Variants in NSL1 observed in about 807,000 individuals in gnomAD.
NSL1 encodes NSL1 component of MIS12 kinetochore complex.
A neutral mutation model predicts 25.4 loss-of-function variants in NSL1; 11 were observed. The ratio of observed to expected loss-of-function variants is 0.43; its 90% CI spans 0.27 to 0.72. The LOEUF is 0.72. NSL1 is among the 30% of genes least tolerant of loss of function. The pLI is 0.19. For missense variants in NSL1, 330 were observed against 342.7 expected, an observed-to-expected ratio of 0.96 and a Z score of 0.29; for synonymous variants, 118 against 120.6, an observed-to-expected ratio of 0.98 and a Z score of 0.14.
rs571375045 is a variant in NSL1, at chr1:212,764,068, C to T, written c.499+18304G>A. The stretch of plus-strand genomic sequence containing the variant: ...CAATAAATTTAAGAAAATCAAAATC[C>T]TATCAAGTATCTTCTCAGACCACAG... On this transcript the variant is annotated intron_variant, in intron 4 of 5. Transcript: ENST00000366977. 4 of 425,306 alleles carry T rather than the reference C, an allele frequency of 9.4e-6. No individual in the cohort carries two copies. The East Asian group carries it at 2.4e-4, about 26-fold the overall frequency. The allele number at this position is 425,306 out of a possible 1,614,324, so 26.3% of individuals were successfully genotyped here. A position where few individuals can be genotyped will look rare whatever the true frequency, so the allele number is the denominator to read the frequency against.
chr1:212,784,507 A>G lies in NSL1; in HGVS notation c.314-14T>C. On this transcript the variant is annotated splice_polypyrimidine_tract_variant and intron_variant, in intron 2 of 5. Transcript: ENST00000366977. ...TGATGTCAGAATCTATTTGAGAAAA[A>G]AAAATGTATATATAAAAAGTTCCCT... 6.8e-7 allele frequency: 1 copy of G among 1,474,482 alleles called. No homozygotes were observed. Among genetic ancestry groups the G allele is most frequent in the East Asian group, 2.3e-5 (1 of 43,412 alleles). 91.3% of individuals were successfully genotyped at this position (1,474,482 alleles called of 1,614,324 possible).
intron 5 of NSL1, 126 bp from the exon 6 acceptor site, chr1:212,738,812 G>A (rs555033592): frequency 1.4e-6 from 1 of 727,228 alleles, no homozygotes; most frequent in African/African-American, 1.8e-5. Context: ...GCCCAGGCTG[G>A]AGGGCAGTGG....
rs1454846507 is a variant in NSL1, at chr1:212,760,508, C to A, written c.500-20907G>T. On this transcript the variant is annotated intron_variant, in intron 4 of 5. Transcript: ENST00000366977. The surrounding 1 kb of genome is among the most constrained non-coding windows in gnomAD (Gnocchi z 4.3). The stretch of plus-strand genomic sequence containing the variant: ...CCACTACTGCCGGCATCCACACACT[C>A]CTCCCCAGGGCTTGAGGACGGGCCT... Among the ~76,000 whole-genome samples, 2 of 152,086 alleles carry A rather than the reference C, an allele frequency of 1.3e-5. No homozygotes were observed. The highest frequency in any genetic ancestry group is 1.3e-4 in the Admixed American group (2 of 15,270).
intron 1 of NSL1, among the ~76,000 whole-genome samples, chr1:212,789,503 C>T (rs769606100): frequency 1.3e-5 from 2 of 152,218 alleles, no homozygotes; most frequent in Non-Finnish European, 2.9e-5. Context: ...TAAGCCATCG[C>T]GCCCGGCCTA....
At chr1:212,749,456 CTG>C (rs1292060021) in intron 4 of NSL1, among the ~76,000 whole-genome samples, 1 of 148,380 alleles carries the variant, frequency 6.7e-6, no homozygotes, top group African/African-American at 2.5e-5. Context: ...GCATCTCACT[CTG>C]TCACCCAGGC....
Position 212,730,122 on chromosome 1 carries a change from C to T in NSL1, c.*8286G>A, listed in dbSNP as rs1188576409. On this transcript the variant is annotated 3_prime_UTR_variant, in exon 6 of 6. Coordinates refer to ENST00000366977, the MANE Select transcript of NSL1 (RefSeq NM_015471.4). ...AATATTAGCCCAGCATGGTAGCACG[C>T]GCCTGTAATCCCAGCTACTCGGGAG... 18 of 802,070 alleles carry T rather than the reference C, an allele frequency of 2.2e-5. No individual in the cohort carries two copies. The highest frequency in any genetic ancestry group is 6.3e-5 in the Admixed American group (1 of 15,830). The allele number at this position is 802,070 out of a possible 1,614,324, so 49.7% of individuals were successfully genotyped here.
Position 212,734,245 on chromosome 1 carries a change from T to C in NSL1, c.*4163A>G, listed in dbSNP as rs1658143007. Among the ~76,000 whole-genome samples, 1 of 152,174 alleles carries C rather than the reference T, an allele frequency of 6.6e-6. No individual in the cohort carries two copies. Among genetic ancestry groups the C allele is most frequent in the Non-Finnish European group, 1.5e-5 (1 of 68,024 alleles). ...TGGTTTTTGTTTTAATTCACTCAGT[T>C]AACCACTATGCATCGAGGGCCCATC... is the stretch of plus-strand genomic sequence containing the variant. On this transcript the variant is annotated 3_prime_UTR_variant, in exon 6 of 6. Coordinates refer to ENST00000366977, the MANE Select transcript of NSL1 (RefSeq NM_015471.4).
At chr1:212,766,401 T>C (rs915257566) in intron 4 of NSL1, 1 of 425,036 alleles carries the variant, frequency 2.4e-6, no homozygotes, top group Non-Finnish European at 4.2e-6. Context: ...CTGTCACTGT[T>C]TGCCAGTGAT....
Position 212,729,642 on chromosome 1 carries a change from A to G in NSL1, c.*8766T>C, listed in dbSNP as rs1657927195. 1 of 985,348 alleles carries G rather than the reference A, an allele frequency of 1.0e-6. No individual in the cohort carries two copies. Among genetic ancestry groups the G allele is most frequent in the African/African-American group, 1.7e-5 (1 of 57,248 alleles). 61.0% of individuals were successfully genotyped at this position (985,348 alleles called of 1,614,324 possible). On this transcript the variant is annotated 3_prime_UTR_variant, in exon 6 of 6. Transcript: ENST00000366977. ...ATAGACAGAATATGACAAGTCAGAG[A>G]GAATTCGAACACTTATTTTAACCTT...
In NSL1 at chr1:212,734,190, T is replaced by TGTATGTAGAGAAGATAG. The variant is rs1658141607; in HGVS notation, c.*4217_*4218insCTATCTTCTCTACATAC. On this transcript the variant is annotated 3_prime_UTR_variant, in exon 6 of 6. Coordinates refer to ENST00000366977, the MANE Select transcript of NSL1 (RefSeq NM_015471.4). ...ATTCTGGGATTTTGCTTTGTATGTATCTGTTTTCTTTGAGGTCCTTTATTC... is the reference window on the plus strand; with the variant it reads ...ATTCTGGGATTTTGCTTTGTATGTATGTATGTAGAGAAGATAGCTGTTTTCTTTGAGGTCCTTTATTC... 6.6e-6 allele frequency among the ~76,000 whole-genome samples: 1 copy of TGTATGTAGAGAAGATAG among 152,226 alleles called. No individual in the cohort carries two copies. The highest frequency in any genetic ancestry group is 1.5e-5 in the Non-Finnish European group (1 of 68,038).
chr1:212,741,252 A>G (rs1431917239), intron 4 of NSL1, among the ~76,000 whole-genome samples: 2 of 152,140 alleles, frequency 1.3e-5, no homozygotes, highest in Non-Finnish European at 2.9e-5. Context: ...GGCAATATGG[A>G]TTCTAGCCAG....
intron 4 of NSL1, among the ~76,000 whole-genome samples, chr1:212,774,631 A>G (rs1231131542): frequency 2.6e-5 from 4 of 152,240 alleles, no homozygotes; most frequent in African/African-American, 7.2e-5. Context: ...TAAAATCACA[A>G]TAAGATACCA....
intron 4 of NSL1, among the ~76,000 whole-genome samples, chr1:212,769,709 G>A (rs760632363): frequency 1.3e-4 from 19 of 151,808 alleles, no homozygotes; most frequent in African/African-American, 2.9e-4. Context: ...ACATACAAAC[G>A]AGAGAGAGAG....
At chr1:212,766,135 CA>C (rs773995954) in intron 4 of NSL1, 6,687 of 277,244 alleles carry the variant, frequency 0.024, no homozygotes, top group South Asian at 0.04. Flanking sequence ...GACTCCATCT[CA>C]AAAAAAAAAA....
chr1:212,746,603 A>C (rs1433258701), intron 4 of NSL1, among the ~76,000 whole-genome samples: 1 of 152,254 alleles, frequency 6.6e-6, no homozygotes, highest in Admixed American at 6.5e-5. Flanking sequence ...ACGGATAAGA[A>C]AGACATGATT....
At position 212,736,948 on chromosome 1, in the gene NSL1, C is replaced by G. The variant is rs1489641690; in HGVS notation, c.*1460G>C. The G allele has an allele frequency of 1.0e-6, 1 of 983,894 alleles. No homozygotes were observed. Among genetic ancestry groups the G allele is most frequent in the Non-Finnish European group, 1.2e-6 (1 of 828,570 alleles). The allele number at this position is 983,894 out of a possible 1,614,324, so 60.9% of individuals were successfully genotyped here. On this transcript the variant is annotated 3_prime_UTR_variant, in exon 6 of 6. Transcript: ENST00000366977. ...TAATCTAATAGAATTAACAATAACT[C>G]TTTTGTTTGGGGACCTCTGAAGTGA...
At position 212,737,031 on chromosome 1, in the gene NSL1, A is replaced by G; in HGVS notation, c.*1377T>C. ...ACATTAGCACTGTAAAAACAGCAAC[A>G]TATTATACAGCCTCAAAACAGTTTT... On this transcript the variant is annotated 3_prime_UTR_variant, in exon 6 of 6. Coordinates refer to ENST00000366977, the MANE Select transcript of NSL1 (RefSeq NM_015471.4). 2 of 985,270 alleles carry G rather than the reference A, an allele frequency of 2.0e-6. No individual in the cohort carries two copies. The highest frequency in any genetic ancestry group is 2.4e-6 in the Non-Finnish European group (2 of 829,750). The allele number at this position is 985,270 out of a possible 1,614,324, so 61.0% of individuals were successfully genotyped here. A position where few individuals can be genotyped will look rare whatever the true frequency, so the allele number is the denominator to read the frequency against.
chr1:212,769,310 A>G (rs1156429840), intron 4 of NSL1, among the ~76,000 whole-genome samples: 1 of 152,220 alleles, frequency 6.6e-6, no homozygotes, highest in African/African-American at 2.4e-5. Context: ...TCACCAAGGC[A>G]CATTATACTC....
At chr1:212,757,987 A>G (rs966903524) in intron 4 of NSL1, among the ~76,000 whole-genome samples, 1 of 152,230 alleles carries the variant, frequency 6.6e-6, no homozygotes, top group Non-Finnish European at 1.5e-5. Context: ...GCATCATGCA[A>G]TATATCATAA....
Sources: allele counts gnomAD v4.1 joint callset (sites outside exome capture counted in the v4.1 genomes callset), GRCh38; gene constraint gnomAD v4.1.1; non-coding constraint Gnocchi (gnomAD v3.1); transcripts MANE v1.5; gene names NCBI Gene and HGNC (gene_info 2026-07-23, HGNC 2026-07-21).